ZMYND11: variants seen among roughly 807,000 people sequenced by gnomAD.
ZMYND11 encodes the protein zinc finger MYND domain-containing protein 11.
ZMYND11 carries 9 observed loss-of-function variants against 84.9 expected under a neutral mutation model. The observed-to-expected ratio is 0.11, with a 90% confidence interval of 0.06 to 0.18. The LOEUF (loss-of-function observed/expected upper bound fraction) is 0.18. Ranked by LOEUF, ZMYND11 falls within the 10% of genes least tolerant of loss-of-function variation. The pLI, the probability that ZMYND11 is intolerant of heterozygous loss-of-function variation, is 1.00. For synonymous variants in ZMYND11, 250 were observed against 244.1 expected, an observed-to-expected ratio of 1.02 and a Z score of -0.23; for missense variants, 409 against 761.0, an observed-to-expected ratio of 0.54 and a Z score of 5.44.
intron 2 of ZMYND11, among the ~76,000 whole-genome samples, chr10:206,023 T>G (rs1200185908): frequency 4.6e-5 from 7 of 152,016 alleles, no homozygotes; most frequent in African/African-American, 1.2e-4. Flanking sequence ...TGTTTTTTTT[T>G]TTTTTTTGTT....
chr10:138,900 G>A (rs1554753174), intron 1 of ZMYND11, among the ~76,000 whole-genome samples: 1 of 152,160 alleles, frequency 6.6e-6, no homozygotes, highest in Non-Finnish European at 1.5e-5. Context: ...CTGGAGTGCA[G>A]TGGCACAATC....
intron 2 of ZMYND11, among the ~76,000 whole-genome samples, chr10:193,476 C>T (rs1179462391): frequency 6.6e-6 from 1 of 152,194 alleles, no homozygotes; most frequent in East Asian, 1.9e-4. Context: ...TGGCATGTGA[C>T]ATTCACTCAA....
chr10:233,122 GC>G (rs1484901932), intron 4 of ZMYND11, among the ~76,000 whole-genome samples: 2 of 152,172 alleles, frequency 1.3e-5, no homozygotes, highest in Non-Finnish European at 2.9e-5. Context: ...ACCCCTGGGG[GC>G]TTTTAGGACT....
chr10:238,330 G>A (rs775017281), intron 6 of ZMYND11, among the ~76,000 whole-genome samples: 4 of 151,862 alleles, frequency 2.6e-5, no homozygotes, highest in Non-Finnish European at 5.9e-5. Flanking sequence ...GAGACCACAG[G>A]AATAATTTTA....
upstream of ZMYND11, among the ~76,000 whole-genome samples, chr10:131,141 G>A (rs1554749887): frequency 6.6e-6 from 1 of 152,024 alleles, no homozygotes; most frequent in Non-Finnish European, 1.5e-5. Flanking sequence ...GGACCAGGGA[G>A]ACAGGGAAAA....
intron 2 of ZMYND11, among the ~76,000 whole-genome samples, chr10:190,650 T>C (rs1212571798): frequency 6.6e-6 from 1 of 152,228 alleles, no homozygotes; most frequent in African/African-American, 2.4e-5. Flanking sequence ...TGTACAAAGC[T>C]CTTTACAGTG....
At position 221,181 on chromosome 10, in the gene ZMYND11, G is replaced by C. The variant is rs1947086255; in HGVS notation, c.277-14G>C. On this transcript the variant is annotated splice_polypyrimidine_tract_variant and intron_variant, in intron 3 of 14. Coordinates refer to ENST00000381604, the MANE Select transcript of ZMYND11 (RefSeq NM_001370100.5). ...ACAAAATGTCATACAAAACTATTTT[G>C]TACTTTTTTGTAGGACTGGGAAACA... 6.2e-7 allele frequency: 1 copy of C among 1,611,716 alleles called. No individual in the cohort carries two copies. Among genetic ancestry groups the C allele is most frequent in the Non-Finnish European group, 8.5e-7 (1 of 1,178,642 alleles).
At chr10:131,305 T>C (rs1469201437), upstream of ZMYND11, among the ~76,000 whole-genome samples, 4 of 152,156 alleles carry the variant, frequency 2.6e-5, no homozygotes, top group Non-Finnish European at 5.9e-5. Context: ...GACCTACTTC[T>C]AACAAATACT....
chr10:138,604 A>G (rs1836718592), intron 1 of ZMYND11, among the ~76,000 whole-genome samples: 1 of 152,182 alleles, frequency 6.6e-6, no homozygotes, highest in Non-Finnish European at 1.5e-5. Context: ...AAGAATTTTA[A>G]TACTTGCTAT....
intron 4 of ZMYND11, among the ~76,000 whole-genome samples, chr10:230,621 A>G (rs1266710071): frequency 1.3e-5 from 2 of 151,986 alleles, no homozygotes; most frequent in East Asian, 3.9e-4. Flanking sequence ...TATTGGTGAC[A>G]TTATTCTTGA....
chr10:235,271 A>G (rs1949757138), intron 4 of ZMYND11, among the ~76,000 whole-genome samples: 1 of 152,180 alleles, frequency 6.6e-6, no homozygotes. Flanking sequence ...CCTGTGGCCA[A>G]ATACTGTGCT....
In ZMYND11 at chr10:253,112, TGTA is replaced by T. The variant is rs1188243318; in HGVS notation, c.*645_*647del. On this transcript the variant is annotated 3_prime_UTR_variant, in exon 15 of 15. Transcript: ENST00000381604. ...TATAACAAATTATTAGCTTTGATCT[TGTA>T]GTTTAAAATTGCAGGGAACTGGGGT... The T allele has an allele frequency of 6.5e-6, 1 of 152,674 alleles. No homozygotes were observed. Among genetic ancestry groups the T allele is most frequent in the Non-Finnish European group, 1.5e-5 (1 of 68,032 alleles). 9.5% of individuals were successfully genotyped at this position (152,674 alleles called of 1,614,324 possible). A position where few individuals can be genotyped will look rare whatever the true frequency, so the allele number is the denominator to read the frequency against.
intron 1 of ZMYND11, among the ~76,000 whole-genome samples, chr10:154,590 A>G (rs1187717926): frequency 1.3e-5 from 2 of 152,166 alleles, no homozygotes; most frequent in Non-Finnish European, 2.9e-5. Context: ...TCAGAACACC[A>G]TGAGGGTTGA....
chr10:136,463 C>T (rs1217941464), intron 1 of ZMYND11, among the ~76,000 whole-genome samples: 1 of 152,114 alleles, frequency 6.6e-6, no homozygotes, highest in African/African-American at 2.4e-5. Flanking sequence ...TACTCTGTGT[C>T]ATATGCAGTG....
intron 13 of ZMYND11, 41 bp from the exon 14 acceptor site, chr10:248,857 TGTTAA>T (rs369381305): frequency 2.1e-5 from 33 of 1,567,116 alleles, no homozygotes; most frequent in East Asian, 4.8e-5. Flanking sequence ...AGATGGTCTG[TGTTAA>T]GTTGTGTGCT....
At chr10:172,474 G>A (rs1221260112) in intron 1 of ZMYND11, among the ~76,000 whole-genome samples, 1 of 152,108 alleles carries the variant, frequency 6.6e-6, no homozygotes, top group Non-Finnish European at 1.5e-5. Context: ...CAAGTGTAAT[G>A]TGAAATTGAA....
chr10:172,338 C>T (rs1417524096), intron 1 of ZMYND11, among the ~76,000 whole-genome samples: 1 of 152,122 alleles, frequency 6.6e-6, no homozygotes, highest in Non-Finnish European at 1.5e-5. Context: ...ATGACATGAT[C>T]ATTTATATAG....
At chr10:228,275 G>T (rs1033563993) in intron 4 of ZMYND11, among the ~76,000 whole-genome samples, 1 of 152,208 alleles carries the variant, frequency 6.6e-6, no homozygotes, top group African/African-American at 2.4e-5. Flanking sequence ...GAAAGGATAT[G>T]ACTGTGAAAT....
chr10:152,457 A>G (rs1163307634), intron 1 of ZMYND11, among the ~76,000 whole-genome samples: 1 of 152,194 alleles, frequency 6.6e-6, no homozygotes, highest in Non-Finnish European at 1.5e-5. Flanking sequence ...CAAAAATCAA[A>G]AGAGACAAAG....
Sources: gnomAD v4.1 joint callset for allele counts (sites outside exome capture counted in the v4.1 genomes callset) on GRCh38, gnomAD v4.1.1 for gene constraint, MANE v1.5 for transcripts, NCBI Gene and HGNC (gene_info 2026-07-23, HGNC 2026-07-21) for gene names.